Variants in VWA8 observed in about 807,000 individuals in gnomAD.
VWA8 encodes the protein von Willebrand factor A domain-containing protein 8.
A neutral mutation model predicts 241.5 loss-of-function variants in VWA8; 221 were observed. The observed-to-expected ratio is 0.91, with a 90% confidence interval of 0.82 to 1.02. The LOEUF is 1.02. Ranked by LOEUF, VWA8 falls within the 50% of genes least tolerant of loss-of-function variation. VWA8 has a pLI of 0.00. For missense variants in VWA8, 2,322 were observed against 2,328.7 expected, an observed-to-expected ratio of 1.00 and a Z score of 0.06; for synonymous variants, 852 against 827.1, an observed-to-expected ratio of 1.03 and a Z score of -0.52.
chr13:41,598,865 T>C (rs2025969), intron 40 of VWA8, among the ~76,000 whole-genome samples: 10,937 of 152,042 alleles, frequency 0.072, 539 homozygotes, highest in East Asian at 0.15. Context: ...TAAAATTCCA[T>C]GAAGCTGTGT....
chr13:41,882,263 G>A (rs1474471974), intron 9 of VWA8, among the ~76,000 whole-genome samples: 7 of 150,314 alleles, frequency 4.7e-5, no homozygotes, highest in Non-Finnish European at 7.4e-5. Flanking sequence ...GGGAAGAGGC[G>A]CTCGTCACTT....
At chr13:41,732,046 C>T in intron 22 of VWA8, 34 bp downstream of exon 22, 2 of 1,575,300 alleles carry the variant, frequency 1.3e-6, no homozygotes, top group Non-Finnish European at 1.7e-6. Context: ...TACAAAAATA[C>T]ACTTGAAAAT....
At chr13:41,661,055 G>A (rs1411220053) in intron 37 of VWA8, among the ~76,000 whole-genome samples, 1 of 151,946 alleles carries the variant, frequency 6.6e-6, no homozygotes, top group African/African-American at 2.4e-5. Flanking sequence ...TAGTAGAGAC[G>A]GGGTTTCACC....
chr13:41,883,633 A>T, intron 8 of VWA8, 142 bp from the exon 9 acceptor site: 1 of 593,424 alleles, frequency 1.7e-6, no homozygotes, highest in South Asian at 2.1e-5. Flanking sequence ...TACAAAAGCA[A>T]ATATTCATTA....
At chr13:41,621,926 A>G (rs1418841272) in intron 37 of VWA8, among the ~76,000 whole-genome samples, 1 of 152,162 alleles carries the variant, frequency 6.6e-6, no homozygotes, top group African/African-American at 2.4e-5. Flanking sequence ...CATTGCCAAC[A>G]CAAGGCAGTT....
intron 2 of VWA8, among the ~76,000 whole-genome samples, chr13:41,947,931 CAA>C (rs1218456579): frequency 3.4e-4 from 7 of 20,576 alleles, no homozygotes; most frequent in African/African-American, 7.1e-4. Context: ...GACCCTGTCT[CAA>C]AAAAAAAAAA....
chr13:41,837,493 G>A (rs555987206), intron 12 of VWA8, among the ~76,000 whole-genome samples: 19 of 152,186 alleles, frequency 1.2e-4, no homozygotes, highest in African/African-American at 4.1e-4. Context: ...TTTCAGCATA[G>A]GCTGAATGGG....
intron 4 of VWA8, among the ~76,000 whole-genome samples, chr13:41,895,032 T>C (rs1024537636): frequency 5.9e-5 from 9 of 152,014 alleles, no homozygotes; most frequent in African/African-American, 2.2e-4. Context: ...TGAGCATGTT[T>C]AAATGATGAA....
chr13:41,691,837 G>A (rs763114893), intron 31 of VWA8, 37 bp downstream of exon 31: 7 of 1,473,036 alleles, frequency 4.8e-6, no homozygotes, highest in Non-Finnish European at 6.6e-6. Flanking sequence ...GGCCAAATAA[G>A]AACTCCAGTT....
intron 9 of VWA8, among the ~76,000 whole-genome samples, chr13:41,881,462 C>T (rs949473678): frequency 2.2e-5 from 3 of 136,518 alleles, no homozygotes; most frequent in African/African-American, 8.0e-5. Flanking sequence ...CCATGTCTAC[C>T]TCTTTCTACA....
At chr13:41,721,155 G>A (rs1487632610) in intron 25 of VWA8, among the ~76,000 whole-genome samples, 1 of 152,168 alleles carries the variant, frequency 6.6e-6, no homozygotes, top group African/African-American at 2.4e-5. Context: ...CCTTGGTAAT[G>A]ATTACAGACT....
At chr13:41,742,824 A>G (rs2045578510) in intron 21 of VWA8, among the ~76,000 whole-genome samples, 1 of 152,218 alleles carries the variant, frequency 6.6e-6, no homozygotes, top group African/African-American at 2.4e-5. Flanking sequence ...CTGTAGTTCA[A>G]CATGCATTTT....
intron 13 of VWA8, among the ~76,000 whole-genome samples, chr13:41,831,613 GTTTT>G (rs71096547): frequency 2.8e-3 from 321 of 113,396 alleles, no homozygotes; most frequent in African/African-American, 0.012. Flanking sequence ...CCAGGCATGA[GTTTT>G]TTTTTTTTTT....
intron 12 of VWA8, among the ~76,000 whole-genome samples, chr13:41,840,823 AC>A (rs1261409473): frequency 2.0e-5 from 3 of 152,124 alleles, no homozygotes; most frequent in Non-Finnish European, 4.4e-5. Context: ...AAGCAGCACC[AC>A]AATTCTTGAT....
In VWA8 at chr13:41,719,572, A is replaced by G; in HGVS notation, c.3116+19T>C. 6.2e-7 allele frequency: 1 copy of G among 1,612,044 alleles called. No homozygotes were observed. The highest frequency in any genetic ancestry group is 8.5e-7 in the Non-Finnish European group (1 of 1,178,862). ...ACTATCAGCATTTAAGAATCAGAAG[A>G]GTACTGAATTTGCCTTACTCCTTTG... On this transcript the variant is annotated intron_variant, in intron 26 of 44. Transcript: ENST00000379310.
chr13:41,786,807 G>A (rs1315863090), intron 18 of VWA8, among the ~76,000 whole-genome samples: 1 of 151,922 alleles, frequency 6.6e-6, no homozygotes, highest in African/African-American at 2.4e-5. Context: ...AATAAAATAG[G>A]TATTTACATT....
At chr13:41,904,233 T>C (rs1875593638) in intron 4 of VWA8, among the ~76,000 whole-genome samples, 1 of 152,146 alleles carries the variant, frequency 6.6e-6, no homozygotes, top group Admixed American at 6.5e-5. Flanking sequence ...TAAAACAATT[T>C]CTAAAAAGCT....
chr13:41,888,186 T>C lies in VWA8; in HGVS notation c.652-825A>G, dbSNP rs77451961. ...AAACAAGTGGCCCAAAGGAGGCACC[T>C]GTTAAATCTCATTTCCTTCCTTCTC... On this transcript the variant is annotated intron_variant, in intron 5 of 44. Transcript: ENST00000379310. Among the ~76,000 whole-genome samples, 786 of 152,334 alleles carry C rather than the reference T, an allele frequency of 5.2e-3. 5 individuals are homozygous for C. The highest frequency in any genetic ancestry group is 0.018 in the African/African-American group (752 of 41,580).
At position 41,675,290 on chromosome 13, in the gene VWA8, G is replaced by A. The variant is rs772792902; in HGVS notation, c.4334C>T (p.Thr1445Ile). ...PLKDIYPKDV[T>I]PPQTSGYIEV... ...TATATAACCAGATGTTTGTGGAGGA[G>A]TAACATCTACAAACAAGTCATGACA... The change falls in exon 36 of 45, where the codon ACT becomes ATT. Residue 1445 changes from threonine (T) to isoleucine (I), a missense_variant. Thr to Ile is a moderately conservative substitution (Grantham distance 89, BLOSUM62 -1). Coordinates refer to ENST00000379310, the MANE Select transcript of VWA8 (RefSeq NM_015058.2). The A allele has an allele frequency of 1.2e-6, 2 of 1,610,118 alleles. No individual in the cohort carries two copies. The highest frequency in any genetic ancestry group is 2.2e-5 in the South Asian group (2 of 90,652).
Sources: allele counts gnomAD v4.1 joint callset (sites outside exome capture counted in the v4.1 genomes callset), GRCh38; gene constraint gnomAD v4.1.1; transcripts MANE v1.5; gene names NCBI Gene and HGNC (gene_info 2026-07-23, HGNC 2026-07-21).